TRPM3: variants seen among roughly 807,000 people sequenced by gnomAD.
The protein encoded by TRPM3 is transient receptor potential cation channel subfamily M member 3, also known as long transient receptor potential channel 3.
A neutral mutation model predicts 181.2 loss-of-function variants in TRPM3; 77 were observed. That is an observed-to-expected ratio of 0.42 (90% CI 0.35 to 0.51). The LOEUF (loss-of-function observed/expected upper bound fraction) is 0.51, where lower values mean the gene tolerates loss of function less well. TRPM3 is among the 20% of genes least tolerant of loss of function. TRPM3 has a pLI of 0.01. For missense variants in TRPM3, 1,759 were observed against 2,196.7 expected, an observed-to-expected ratio of 0.80 and a Z score of 3.98; for synonymous variants, 745 against 796.4, an observed-to-expected ratio of 0.94 and a Z score of 1.09.
chr9:70,745,600 A>C (rs980518057), intron 8 of TRPM3, among the ~76,000 whole-genome samples: 2 of 152,288 alleles, frequency 1.3e-5, no homozygotes, highest in East Asian at 3.9e-4. Context: ...TTGGAGAAAA[A>C]ACTTTTCTAA....
At chr9:70,673,793 A>T (rs1160350702) in intron 9 of TRPM3, among the ~76,000 whole-genome samples, 4 of 151,884 alleles carry the variant, frequency 2.6e-5, no homozygotes, top group Admixed American at 1.3e-4. Flanking sequence ...AAAAATAAAT[A>T]AAAAAATTAG....
intron 6 of TRPM3, among the ~76,000 whole-genome samples, chr9:70,798,066 A>G (rs1302370306): frequency 6.6e-6 from 1 of 151,982 alleles, no homozygotes; most frequent in Non-Finnish European, 1.5e-5. Flanking sequence ...TTCTTTCTTT[A>G]TATCTTGAGA....
chr9:70,592,989 C>T (rs1214388848), intron 21 of TRPM3, among the ~76,000 whole-genome samples: 1 of 152,128 alleles, frequency 6.6e-6, no homozygotes, highest in Non-Finnish European at 1.5e-5. Flanking sequence ...CTCGGCCTCC[C>T]AAAGTGCTGG....
At position 70,843,974 on chromosome 9, in the gene TRPM3, G is replaced by A. The variant is rs151008247; in HGVS notation, c.677-847C>T. On this transcript the variant is annotated intron_variant, in intron 4 of 25. Coordinates refer to ENST00000677713, the MANE Select transcript of TRPM3 (RefSeq NM_001366145.2). ...CCACTTCCTATATGAATGTTGAGTTGGATTTGATTTCTTCTCCATTTGAAC... is the reference window on the plus strand; with the variant it reads ...CCACTTCCTATATGAATGTTGAGTTAGATTTGATTTCTTCTCCATTTGAAC... Among the ~76,000 whole-genome samples the A allele has an allele frequency of 1.7e-3, 255 of 152,262 alleles. 1 individual carries two copies. The highest frequency in any genetic ancestry group is 2.9e-3 in the Non-Finnish European group (200 of 68,020).
intron 1 of TRPM3, among the ~76,000 whole-genome samples, chr9:70,999,701 A>G (rs2097578842): frequency 6.6e-6 from 1 of 152,168 alleles, no homozygotes; most frequent in Non-Finnish European, 1.5e-5. Context: ...ATGGATAAAT[A>G]CAGTATTTGA....
At chr9:71,131,163 C>T (rs1288551172) in intron 1 of TRPM3, among the ~76,000 whole-genome samples, 1 of 152,222 alleles carries the variant, frequency 6.6e-6, no homozygotes, top group Non-Finnish European at 1.5e-5. Context: ...TGCCTAACCA[C>T]TTTTATTTCT....
intron 1 of TRPM3, among the ~76,000 whole-genome samples, chr9:71,076,569 C>G (rs965363449): frequency 9.9e-5 from 15 of 152,108 alleles, no homozygotes; most frequent in African/African-American, 3.6e-4. Context: ...CAACACCCTC[C>G]CTCTTCCATC....
chr9:70,961,719 G>A (rs994549939), intron 1 of TRPM3, among the ~76,000 whole-genome samples: 6 of 152,160 alleles, frequency 3.9e-5, no homozygotes, highest in East Asian at 1.9e-4. Context: ...TGGGGATGGG[G>A]CTTATGTCAT....
chr9:71,406,871 C>T (rs1453774429), intron 1 of TRPM3, among the ~76,000 whole-genome samples: 2 of 152,016 alleles, frequency 1.3e-5, no homozygotes, highest in Admixed American at 6.6e-5. Context: ...TAAGGGTACA[C>T]GTTTAGAGCA....
intron 1 of TRPM3, among the ~76,000 whole-genome samples, chr9:71,398,729 G>A (rs2093262438): frequency 1.3e-5 from 2 of 152,196 alleles, no homozygotes; most frequent in African/African-American, 4.8e-5. Context: ...AAATTACCCA[G>A]TCTCAGGTAG....
At chr9:71,390,232 A>C (rs945675969) in intron 1 of TRPM3, among the ~76,000 whole-genome samples, 2 of 152,070 alleles carry the variant, frequency 1.3e-5, no homozygotes, top group African/African-American at 4.8e-5. Flanking sequence ...CAAAATTATT[A>C]GGAGTATATT....
chr9:70,689,176 A>G (rs2067800004), intron 8 of TRPM3, among the ~76,000 whole-genome samples: 1 of 152,124 alleles, frequency 6.6e-6, no homozygotes, highest in African/African-American at 2.4e-5. Flanking sequence ...GGGGTCAATC[A>G]CCCAGTCAAG....
At chr9:71,331,360 A>G (rs544482393) in intron 1 of TRPM3, among the ~76,000 whole-genome samples, 2 of 151,836 alleles carry the variant, frequency 1.3e-5, no homozygotes, top group East Asian at 1.9e-4. Context: ...CTCGTAATAA[A>G]TATCCTTCAT....
chr9:71,287,598 A>G (rs370252090), intron 1 of TRPM3, among the ~76,000 whole-genome samples: 1 of 152,012 alleles, frequency 6.6e-6, no homozygotes, highest in East Asian at 1.9e-4. Context: ...TGTACAAAAA[A>G]ACTACAACTC....
At chr9:70,900,706 C>A (rs541587843) in intron 1 of TRPM3, among the ~76,000 whole-genome samples, 2 of 152,258 alleles carry the variant, frequency 1.3e-5, no homozygotes, top group African/African-American at 4.8e-5. Context: ...TACTACACAA[C>A]CTGACTATAA....
intron 1 of TRPM3, among the ~76,000 whole-genome samples, chr9:71,358,359 T>C (rs2091996103): frequency 6.6e-6 from 1 of 152,152 alleles, no homozygotes; most frequent in African/African-American, 2.4e-5. Flanking sequence ...CTAGATCAAT[T>C]GGAAAATCAC....
intron 8 of TRPM3, among the ~76,000 whole-genome samples, chr9:70,691,474 C>T (rs563816783): frequency 6.6e-6 from 1 of 152,292 alleles, no homozygotes; most frequent in African/African-American, 2.4e-5. Context: ...TAGATTCAAG[C>T]ACACTCACAG....
chr9:70,598,949 T>C (rs2059440617), intron 20 of TRPM3, among the ~76,000 whole-genome samples: 1 of 152,230 alleles, frequency 6.6e-6, no homozygotes, highest in African/African-American at 2.4e-5. Flanking sequence ...GATTCAATCC[T>C]AGTATGCTGC....
At chr9:70,872,337 G>T (rs565214610) in intron 1 of TRPM3, among the ~76,000 whole-genome samples, 19 of 151,964 alleles carry the variant, frequency 1.3e-4, no homozygotes, top group East Asian at 7.8e-4. Flanking sequence ...GAGTAGTAGT[G>T]GTCTTAATAG....
Sources: allele counts gnomAD v4.1 joint callset (sites outside exome capture counted in the v4.1 genomes callset), GRCh38; gene constraint gnomAD v4.1.1; transcripts MANE v1.5; gene names NCBI Gene and HGNC (gene_info 2026-07-23, HGNC 2026-07-21).